The following TNKS variants were observed in gnomAD, a reference collection of about 807,000 sequenced individuals.
The protein encoded by TNKS is poly [ADP-ribose] polymerase tankyrase-1.
A neutral mutation model predicts 135.8 loss-of-function variants in TNKS; 72 were observed. That is an observed-to-expected ratio of 0.53 (90% confidence interval 0.44 to 0.64). TNKS has a LOEUF of 0.64. TNKS is among the 30% of genes least tolerant of loss of function. The probability of loss-of-function intolerance (pLI) is 0.00; values close to 1 mark genes in which losing one functional copy is unlikely to be tolerated. For synonymous variants in TNKS, 849 were observed against 649.3 expected (o/e 1.31, Z -4.68); for missense variants, 1,769 against 1,674.0 (o/e 1.06, Z -0.99).
chr8:9,575,301 G>A (rs1190539133), intron 1 of TNKS: 4 of 700,340 alleles, frequency 5.7e-6, no homozygotes, highest in African/African-American at 3.9e-5. Flanking sequence ...TAGCTAGGAT[G>A]GTCTCGATTT....
Position 9,770,260 on chromosome 8 carries a change from C to T in TNKS, c.3895C>T (p.Gln1299Ter). 1 of 1,610,028 alleles carries T rather than the reference C, an allele frequency of 6.2e-7. No homozygotes were observed. Among genetic ancestry groups the T allele is most frequent in the Non-Finnish European group, 8.5e-7 (1 of 1,177,452 alleles). The change falls in exon 26 of 27, where the codon CAG (glutamine) becomes TAG (stop). Residue 1299 changes from glutamine (Q) to a stop codon, truncating the protein, a stop_gained and splice_region_variant. Coordinates refer to ENST00000310430, the MANE Select transcript of TNKS (RefSeq NM_003747.3). LOFTEE classifies it high-confidence loss of function. The part of the protein sequence containing the change: ...YAEYVIYRGE[Q>*]AYPEYLITYQ... ...TGAATATGTCATCTACAGAGGAGAACAGGTATGTTACTCATCAAACAAGCA... is the reference window on the plus strand; with the variant it reads ...TGAATATGTCATCTACAGAGGAGAATAGGTATGTTACTCATCAAACAAGCA...
In TNKS at chr8:9,556,240, G is replaced by T. The variant is rs1815291360; in HGVS notation, c.301G>T (p.Ala101Ser). 1 of 1,614,202 alleles carries T rather than the reference G, an allele frequency of 6.2e-7. No individual in the cohort carries two copies. ...CACCAGCACAATCTGTACCGTCGCC[G>T]CCGCTCCCGTGGTCCCAGCGGTTTC... is the stretch of plus-strand genomic sequence containing the variant. ...STTSTICTVAAAPVVPAVSTS... is the reference protein window; with the variant it reads ...STTSTICTVASAPVVPAVSTS... The change falls in exon 1 of 27, where the codon GCC becomes TCC. Residue 101 changes from alanine (A) to serine (S), a missense_variant. Around this residue, in one of 5 missense-constraint regions of TNKS, gnomAD observed 450 missense variants for 304.9 expected, o/e 1.48. Transcript: ENST00000310430.
chr8:9,734,455 T>C (rs1263619569), intron 15 of TNKS, among the ~76,000 whole-genome samples: 1 of 123,086 alleles, frequency 8.1e-6, no homozygotes, highest in Non-Finnish European at 1.8e-5. Context: ...AGTCCTTTTT[T>C]ACCAGTGTGT....
At chr8:9,736,825 T>A (rs1478672708) in intron 17 of TNKS, among the ~76,000 whole-genome samples, 1 of 14,886 alleles carries the variant, frequency 6.7e-5, no homozygotes, top group African/African-American at 2.9e-4. Flanking sequence ...TAGTTTGAAG[T>A]CAGGTAGTGT....
chr8:9,587,686 G>T (rs542591184), intron 2 of TNKS, among the ~76,000 whole-genome samples: 1 of 152,326 alleles, frequency 6.6e-6, no homozygotes, highest in South Asian at 2.1e-4. Flanking sequence ...ACAGGCGTGA[G>T]CCACTGCGCC....
intron 1 of TNKS, among the ~76,000 whole-genome samples, chr8:9,562,006 G>A (rs1257234907): frequency 1.3e-5 from 2 of 151,854 alleles, no homozygotes; most frequent in African/African-American, 2.4e-5. Context: ...TAGTAGAGAC[G>A]GGGTTTCACC....
In TNKS at chr8:9,724,005, T is replaced by C. The variant is rs572884962; in HGVS notation, c.1922-2636T>C. Among the ~76,000 whole-genome samples the C allele has an allele frequency of 4.6e-5, 7 of 152,342 alleles. No homozygotes were observed. In the East Asian group the frequency reaches 9.6e-4, roughly 21 times the overall value. On this transcript the variant is annotated intron_variant, in intron 12 of 26. Coordinates refer to ENST00000310430, the MANE Select transcript of TNKS (RefSeq NM_003747.3). ...CTGTTGCCAGTCCAGTAGTCTAATA[T>C]TGATCAAACTACTAAGTCTATAAAA...
intron 21 of TNKS, among the ~76,000 whole-genome samples, chr8:9,761,931 C>G (rs1371963056): frequency 1.1e-4 from 16 of 152,188 alleles, no homozygotes; most frequent in Non-Finnish European, 2.2e-4. Flanking sequence ...CGTGGACTGT[C>G]CCAGCCACCT....
intron 3 of TNKS, among the ~76,000 whole-genome samples, chr8:9,647,958 T>C (rs1216309426): frequency 6.6e-6 from 1 of 152,188 alleles, no homozygotes. Context: ...CACTGAATAC[T>C]GTAGGCAGTT....
At chr8:9,581,838 C>G (rs1009004286) in intron 2 of TNKS, among the ~76,000 whole-genome samples, 9 of 152,238 alleles carry the variant, frequency 5.9e-5, no homozygotes, top group Non-Finnish European at 7.4e-5. Flanking sequence ...CTCTTAATCC[C>G]TCTTTCAAAA....
chr8:9,768,751 A>G (rs1375460491), intron 25 of TNKS, among the ~76,000 whole-genome samples: 1 of 152,226 alleles, frequency 6.6e-6, no homozygotes, highest in Non-Finnish European at 1.5e-5. Context: ...ATGTAGAGAG[A>G]GATGGAGCTC....
Position 9,776,802 on chromosome 8 carries a change from T to C in TNKS, c.*66T>C. 1 of 1,454,258 alleles carries C rather than the reference T, an allele frequency of 6.9e-7. No homozygotes were observed. The highest frequency in any genetic ancestry group is 9.6e-7 in the Non-Finnish European group (1 of 1,038,832). The allele number at this position is 1,454,258 out of a possible 1,614,324, so 90.1% of individuals were successfully genotyped here. A position where few individuals can be genotyped will look rare whatever the true frequency, so the allele number is the denominator to read the frequency against. ...GGACTGGATTACAGAGGATTGTTTC[T>C]AATAACAACATCAATATTCTAGAAG... On this transcript the variant is annotated 3_prime_UTR_variant, in exon 27 of 27. Coordinates refer to ENST00000310430, the MANE Select transcript of TNKS (RefSeq NM_003747.3).
At chr8:9,755,964 T>C (rs989082500) in intron 20 of TNKS, among the ~76,000 whole-genome samples, 2 of 152,216 alleles carry the variant, frequency 1.3e-5, no homozygotes, top group African/African-American at 4.8e-5. Flanking sequence ...ATAGTATCCT[T>C]TCTAGTTAAT....
At chr8:9,664,435 A>G (rs891470824) in intron 3 of TNKS, among the ~76,000 whole-genome samples, 1 of 152,188 alleles carries the variant, frequency 6.6e-6, no homozygotes, top group Non-Finnish European at 1.5e-5. Flanking sequence ...CATGACTCAG[A>G]CACCTCTTAC....
intron 5 of TNKS, among the ~76,000 whole-genome samples, chr8:9,699,333 G>A (rs1803684673): frequency 6.6e-6 from 1 of 152,182 alleles, no homozygotes; most frequent in Non-Finnish European, 1.5e-5. Context: ...TTTAGTCCTA[G>A]GGTGTGTGAT....
rs778207735 is a variant in TNKS at position 9,733,405 on chromosome 8, A to C, written c.2274A>C (p.Ala758=). ...LWKFTPLHEA[A]AKGKYEICKL... is the part of the protein sequence containing the mutation. Reference sequence around the variant, plus strand: ...AATTTACCCCTCTCCATGAAGCAGCAGCTAAAGGAAAGTATGAAATCTGCA... The same window carrying C: ...AATTTACCCCTCTCCATGAAGCAGCCGCTAAAGGAAAGTATGAAATCTGCA... The change falls in exon 15 of 27, where the codon GCA becomes GCC. Residue 758 remains alanine (A), a synonymous_variant. Transcript: ENST00000310430. The C allele has an allele frequency of 1.2e-6, 2 of 1,613,778 alleles. No individual in the cohort carries two copies. The highest frequency in any genetic ancestry group is 1.7e-6 in the Non-Finnish European group (2 of 1,179,816).
rs879285555 is a variant in TNKS at position 9,772,062 on chromosome 8, GGAGGGGGAGA to G, written c.3897+1806_3897+1815del. Among the ~76,000 whole-genome samples, 255 of 127,436 alleles carry G rather than the reference GGAGGGGGAGA, an allele frequency of 2.0e-3. 4 individuals are homozygous for G. In the Middle Eastern group the frequency reaches 0.021, roughly 10 times the overall value. 83.6% of individuals were successfully genotyped at this position (127,436 alleles called of 152,430 possible). On this transcript the variant is annotated intron_variant, in intron 26 of 26. Transcript: ENST00000310430. ...AGAGGAGACAGAGGTAGGGAGGGAT[GGAGGGGGAGA>G]GAGGGAGAGAGAAGGAGGGAGGGAG...
rs1327847049 is a variant in TNKS, at chr8:9,780,522, G to C, written c.*3786G>C. Reference sequence around the variant, plus strand: ...AAGTAATTGTGAAAGTGATGTTTGAGCTATTGTACACATCTAGCATATGGA... The same window carrying C: ...AAGTAATTGTGAAAGTGATGTTTGACCTATTGTACACATCTAGCATATGGA... On this transcript the variant is annotated 3_prime_UTR_variant, in exon 27 of 27. Coordinates refer to ENST00000310430, the MANE Select transcript of TNKS (RefSeq NM_003747.3). 6.6e-6 allele frequency: 1 copy of C among 152,200 alleles called. No homozygotes were observed. The highest frequency in any genetic ancestry group is 1.5e-5 in the Non-Finnish European group (1 of 68,040). The allele number at this position is 152,200 out of a possible 1,614,324, so 9.4% of individuals were successfully genotyped here.
intron 1 of TNKS, among the ~76,000 whole-genome samples, chr8:9,563,941 G>C (rs968120587): frequency 6.6e-6 from 1 of 152,150 alleles, no homozygotes; most frequent in African/African-American, 2.4e-5. Flanking sequence ...GTCTGAGATA[G>C]TTAAGGTAAT....
Sources: gnomAD v4.1 joint callset for allele counts (sites outside exome capture counted in the v4.1 genomes callset) on GRCh38, gnomAD v4.1.1 for gene constraint, gnomAD v4.1.1 regional missense constraint, MANE v1.5 for transcripts, NCBI Gene and HGNC (gene_info 2026-07-23, HGNC 2026-07-21) for gene names.